DIP2C: variants seen among roughly 807,000 people sequenced by gnomAD.
DIP2C encodes the protein disco-interacting protein 2 homolog C.
In DIP2C, 33 loss-of-function variants were observed where a neutral mutation model predicts 192.4. That is an observed-to-expected ratio of 0.17 (90% CI 0.13 to 0.23). DIP2C has a LOEUF of 0.23. DIP2C is among the 10% of genes least tolerant of loss of function. DIP2C has a pLI of 1.00. For synonymous variants in DIP2C, 979 were observed against 864.1 expected (o/e 1.13, Z -2.33); for missense variants, 1,537 against 2,110.1 (o/e 0.73, Z 5.32).
intron 29 of DIP2C, chr10:340,900 C>G (rs755003156): frequency 1.6e-5 from 8 of 495,704 alleles, no homozygotes; most frequent in South Asian, 1.2e-4. Flanking sequence ...CCAGGTTTTA[C>G]AGGCATAAGA....
intron 1 of DIP2C, among the ~76,000 whole-genome samples, chr10:506,680 C>T (rs920556269): frequency 6.6e-6 from 1 of 152,238 alleles, no homozygotes; most frequent in Non-Finnish European, 1.5e-5. Context: ...TGCCTCCTAT[C>T]CCCCAACACA....
At chr10:560,854 G>C (rs1030266916) in intron 1 of DIP2C, among the ~76,000 whole-genome samples, 1 of 152,136 alleles carries the variant, frequency 6.6e-6, no homozygotes, top group Non-Finnish European at 1.5e-5. Flanking sequence ...TCTGGAATTA[G>C]ACAGAACTTA....
chr10:631,924 A>T (rs1854542137), intron 1 of DIP2C, among the ~76,000 whole-genome samples: 2 of 152,248 alleles, frequency 1.3e-5, no homozygotes, highest in African/African-American at 4.8e-5. Context: ...CATTAAATAA[A>T]TAGTCAATGT....
At chr10:555,051 A>T (rs1447426365) in intron 1 of DIP2C, among the ~76,000 whole-genome samples, 1 of 151,682 alleles carries the variant, frequency 6.6e-6, no homozygotes, top group African/African-American at 2.4e-5. Flanking sequence ...TTTTTCATTT[A>T]AAAAAAATCA....
At chr10:382,912 T>A in intron 16 of DIP2C, 151 bp from the exon 17 acceptor site, 1 of 510,042 alleles carries the variant, frequency 2.0e-6, no homozygotes, top group Non-Finnish European at 3.4e-6. Flanking sequence ...TTATTTATGT[T>A]ACACTGAAAG....
chr10:675,063 T>C (rs1417600823), intron 1 of DIP2C, among the ~76,000 whole-genome samples: 2 of 148,970 alleles, frequency 1.3e-5, no homozygotes, highest in Admixed American at 6.6e-5. Flanking sequence ...TCTCAATACA[T>C]TTTTTTAAAA....
rs1225674335 is a variant in DIP2C, at chr10:689,464, C to T, written c.85+30G>A. 1.8e-6 allele frequency: 2 copies of T among 1,130,136 alleles called. No homozygotes were observed. The highest frequency in any genetic ancestry group is 6.9e-5 in the East Asian group (1 of 14,510). The allele number at this position is 1,130,136 out of a possible 1,614,324, so 70.0% of individuals were successfully genotyped here. ...CGCGCGGCCCTCCCCGGTGACAGCGCGGCCCGGCCCGGGGCGGGGGCCCGG... is the reference window on the plus strand; with the variant it reads ...CGCGCGGCCCTCCCCGGTGACAGCGTGGCCCGGCCCGGGGCGGGGGCCCGG... On this transcript the variant is annotated intron_variant, in intron 1 of 36. Coordinates refer to ENST00000280886, the MANE Select transcript of DIP2C (RefSeq NM_014974.3). The surrounding 1 kb of genome is among the most constrained non-coding windows in gnomAD (Gnocchi z 6.1).
intron 1 of DIP2C, among the ~76,000 whole-genome samples, chr10:660,956 C>T (rs1396533289): frequency 6.6e-6 from 1 of 152,206 alleles, no homozygotes; most frequent in African/African-American, 2.4e-5. Context: ...GCTAACAACA[C>T]CTAGCCAAAA....
At chr10:527,577 TAC>T (rs1171962412) in intron 1 of DIP2C, among the ~76,000 whole-genome samples, 9 of 152,214 alleles carry the variant, frequency 5.9e-5, no homozygotes, top group African/African-American at 1.7e-4. Flanking sequence ...ACAAATGTAC[TAC>T]AGAGTGTCAA....
intron 1 of DIP2C, among the ~76,000 whole-genome samples, chr10:571,787 A>G (rs1190770114): frequency 1.3e-5 from 2 of 152,166 alleles, no homozygotes; most frequent in Non-Finnish European, 2.9e-5. Context: ...GGGTAGCAAC[A>G]TGGGACATGG....
chr10:688,993 C>T (rs1429631746), intron 1 of DIP2C, among the ~76,000 whole-genome samples: 1 of 152,196 alleles, frequency 6.6e-6, no homozygotes, highest in African/African-American at 2.4e-5. Flanking sequence ...TCTGGCCGGG[C>T]GTTCCAGGCC....
intron 1 of DIP2C, among the ~76,000 whole-genome samples, chr10:489,184 A>G (rs1844243504): frequency 6.6e-6 from 1 of 152,222 alleles, no homozygotes; most frequent in African/African-American, 2.4e-5. Flanking sequence ...TTTTCATGGA[A>G]AAAGTCCAGT....
chr10:663,116 A>C, intron 1 of DIP2C: 2 of 535,570 alleles, frequency 3.7e-6, no homozygotes, highest in Non-Finnish European at 6.7e-6. Flanking sequence ...AGAGGGGGAG[A>C]TCCCTGGGGC....
intron 1 of DIP2C, among the ~76,000 whole-genome samples, chr10:599,094 A>G (rs1410709486): frequency 6.6e-6 from 1 of 152,198 alleles, no homozygotes; most frequent in Non-Finnish European, 1.5e-5. Flanking sequence ...TCCAGAAGCC[A>G]CAGCCACTCT....
At chr10:389,766 C>A (rs1033681746) in intron 13 of DIP2C, among the ~76,000 whole-genome samples, 32 of 152,238 alleles carry the variant, frequency 2.1e-4, no homozygotes, top group African/African-American at 7.7e-4. Context: ...GACCTCAGAC[C>A]TCCGCGCTGT....
intron 32 of DIP2C, among the ~76,000 whole-genome samples, chr10:307,898 G>A (rs1407264353): frequency 4.0e-5 from 6 of 150,164 alleles, no homozygotes; most frequent in East Asian, 2.0e-4. Flanking sequence ...CCCGGCACAC[G>A]GTCCCTCTGG....
intron 1 of DIP2C, among the ~76,000 whole-genome samples, chr10:509,152 G>A (rs995950418): frequency 2.0e-5 from 3 of 152,190 alleles, no homozygotes; most frequent in Admixed American, 2.0e-4. Flanking sequence ...ACAACTAGGG[G>A]TCGATTGGTT....
chr10:510,605 C>T (rs1321295526), intron 1 of DIP2C, among the ~76,000 whole-genome samples: 4 of 152,232 alleles, frequency 2.6e-5, no homozygotes, highest in African/African-American at 9.7e-5. Flanking sequence ...GAGATTTTAA[C>T]AGCGAAGACA....
intron 1 of DIP2C, among the ~76,000 whole-genome samples, chr10:670,398 G>C (rs1194706291): frequency 1.3e-5 from 2 of 150,188 alleles, no homozygotes; most frequent in African/African-American, 5.0e-5. Context: ...ACACGCATAC[G>C]TAAGTATCAT....
Sources: gnomAD v4.1 joint callset for allele counts (sites outside exome capture counted in the v4.1 genomes callset) on GRCh38, gnomAD v4.1.1 for gene constraint, Gnocchi (gnomAD v3.1) non-coding constraint, MANE v1.5 for transcripts, NCBI Gene and HGNC (gene_info 2026-07-23, HGNC 2026-07-21) for gene names.